Variants in LRRC8A observed in about 807,000 individuals in gnomAD.
LRRC8A encodes volume-regulated anion channel subunit LRRC8A.
Under a neutral mutation model 52.5 loss-of-function variants are expected in LRRC8A, and 24 were observed. That is an observed-to-expected ratio of 0.46 (90% CI 0.33 to 0.64). LRRC8A has a LOEUF of 0.64. Ranked by LOEUF, LRRC8A falls within the 30% of genes least tolerant of loss-of-function variation. The pLI is 0.02. For synonymous variants in LRRC8A, 492 were observed against 494.2 expected, an observed-to-expected ratio of 1.00 and a Z score of 0.06; for missense variants, 677 against 1,094.7, an observed-to-expected ratio of 0.62 and a Z score of 5.38.
chr9:128,914,079 G>T (rs1840688340), intron 3 of LRRC8A, among the ~76,000 whole-genome samples: 1 of 152,034 alleles, frequency 6.6e-6, no homozygotes, highest in African/African-American at 2.4e-5. Flanking sequence ...GTGGTATGCG[G>T]CTGTAATCCC....
At position 128,892,978 on chromosome 9, in the gene LRRC8A, C is replaced by T. The variant is rs1230456257; in HGVS notation, c.-9+6857C>T. On this transcript the variant is annotated intron_variant, in intron 2 of 3. Transcript: ENST00000372600. The surrounding 1 kb of genome is among the most constrained non-coding windows in gnomAD (Gnocchi z 5.2). ...GCCTGCCGCCCAGGTGTGGGAGCCA[C>T]GCCAAATCCCTGTGGGCCCACATGG... Among the ~76,000 whole-genome samples the T allele has an allele frequency of 3.9e-5, 6 of 152,184 alleles. No individual in the cohort carries two copies. Among genetic ancestry groups the T allele is most frequent in the East Asian group, 1.9e-4 (1 of 5,196 alleles).
In LRRC8A at chr9:128,913,479, C is replaced by A. The variant is rs148888962; in HGVS notation, c.2158-2617C>A. Among the ~76,000 whole-genome samples, 1,387 of 152,292 alleles carry A rather than the reference C, an allele frequency of 9.1e-3. 10 individuals carry two copies. The highest frequency in any genetic ancestry group is 0.02 in the Middle Eastern group (6 of 294). ...CACGGGCCGGCGACAATCCGACAAT[C>A]CAGCAGAGAAGGATCGGTCCAGAGG... is the stretch of plus-strand genomic sequence containing the variant. On this transcript the variant is annotated intron_variant, in intron 3 of 3. Coordinates refer to ENST00000372600, the MANE Select transcript of LRRC8A (RefSeq NM_019594.4).
In LRRC8A at chr9:128,911,131, AATG is replaced by A. The variant is rs1840507490; in HGVS notation, c.2157+1811_2157+1813del. Reference sequence around the variant, plus strand: ...AGGCACGGAGGGAGGTGGCCCCTGGAATGCCCTGTCTGTCCTCCTGGGCCCCAG... The same window carrying A: ...AGGCACGGAGGGAGGTGGCCCCTGGACCCTGTCTGTCCTCCTGGGCCCCAG... On this transcript the variant is annotated intron_variant, in intron 3 of 3. Coordinates refer to ENST00000372600, the MANE Select transcript of LRRC8A (RefSeq NM_019594.4). The surrounding 1 kb of genome is among the most constrained non-coding windows in gnomAD (Gnocchi z 4.9). Among the ~76,000 whole-genome samples the A allele has an allele frequency of 6.6e-6, 1 of 151,952 alleles. No individual in the cohort carries two copies. The highest frequency in any genetic ancestry group is 2.4e-5 in the African/African-American group (1 of 41,366).
At chr9:128,894,367 C>G (rs994796549) in intron 2 of LRRC8A, among the ~76,000 whole-genome samples, 1 of 151,892 alleles carries the variant, frequency 6.6e-6, no homozygotes, top group Non-Finnish European at 1.5e-5. Context: ...GCCTATAGTC[C>G]CAGCTACTTG....
chr9:128,894,740 C>T (rs1839757266), intron 2 of LRRC8A, among the ~76,000 whole-genome samples: 1 of 150,298 alleles, frequency 6.7e-6, no homozygotes, highest in African/African-American at 2.5e-5. Context: ...TTGCAGTGAG[C>T]CAAGACCACA....
At position 128,908,956 on chromosome 9, in the gene LRRC8A, C is replaced by T; in HGVS notation, c.1792C>T (p.Leu598=). The T allele has an allele frequency of 1.2e-6, 2 of 1,614,152 alleles. No homozygotes were observed. Among genetic ancestry groups the T allele is most frequent in the Non-Finnish European group, 1.7e-6 (2 of 1,180,026 alleles). The change falls in exon 3 of 4, where the codon CTG becomes TTG. Residue 598 remains leucine (L), a synonymous_variant. Transcript: ENST00000372600. ...GATGGCGAACCTGACTGAGCTGGAG[C>T]TGATCCGCTGTGACCTGGAGCGCAT... is the stretch of plus-strand genomic sequence containing the variant. ...KKMANLTELE[L]IRCDLERIPH...
At position 128,917,866 on chromosome 9, in the gene LRRC8A, A is replaced by G. The variant is rs1237690334; in HGVS notation, c.*1495A>G. 6.6e-6 allele frequency: 1 copy of G among 152,668 alleles called. No individual in the cohort carries two copies. Among genetic ancestry groups the G allele is most frequent in the Non-Finnish European group, 1.5e-5 (1 of 68,066 alleles). The allele number at this position is 152,668 out of a possible 1,614,324, so 9.5% of individuals were successfully genotyped here. On this transcript the variant is annotated 3_prime_UTR_variant, in exon 4 of 4. Transcript: ENST00000372600. ...GCACGTTTTAGAGTCTCTTGTCTTA[A>G]TGATTATGTCCATCCGTCTGTCCGT... is the stretch of plus-strand genomic sequence containing the variant.
Position 128,916,620 on chromosome 9 carries a change from A to G in LRRC8A, c.*249A>G. ...GGAGGAGAGCAAGTCTCAAGAGCGCAGTATTTGGATAATCAGGGTCTCCTC... is the reference window on the plus strand; with the variant it reads ...GGAGGAGAGCAAGTCTCAAGAGCGCGGTATTTGGATAATCAGGGTCTCCTC... On this transcript the variant is annotated 3_prime_UTR_variant, in exon 4 of 4. Coordinates refer to ENST00000372600, the MANE Select transcript of LRRC8A (RefSeq NM_019594.4). This position sits in a 1 kb window ranked among gnomAD's most constrained non-coding sequence, Gnocchi z 6.1. 1 of 524,392 alleles carries G rather than the reference A, an allele frequency of 1.9e-6. No individual in the cohort carries two copies. The highest frequency in any genetic ancestry group is 3.4e-6 in the Non-Finnish European group (1 of 295,226). The allele number at this position is 524,392 out of a possible 1,614,324, so 32.5% of individuals were successfully genotyped here. A position where few individuals can be genotyped will look rare whatever the true frequency, so the allele number is the denominator to read the frequency against.
chr9:128,891,659 A>G (rs1328763807), intron 2 of LRRC8A, among the ~76,000 whole-genome samples: 1 of 152,198 alleles, frequency 6.6e-6, no homozygotes, highest in Non-Finnish European at 1.5e-5. Flanking sequence ...GCTCCCTTCC[A>G]GAGCTTCCTT....
At position 128,908,010 on chromosome 9, in the gene LRRC8A, C is replaced by T. The variant is rs534343827; in HGVS notation, c.846C>T (p.Thr282=). 5.5e-5 allele frequency: 88 copies of T among 1,613,964 alleles called. No homozygotes were observed. Among genetic ancestry groups the T allele is most frequent in the East Asian group, 4.5e-4 (20 of 44,884 alleles). The change falls in exon 3 of 4, where the codon ACC becomes ACT. Residue 282 remains threonine, a synonymous_variant. Transcript: ENST00000372600. ...VIKFILIICY[T]VYYVHNIKFD... is the part of the protein sequence containing the mutation. ...AGTTCATCCTCATCATCTGCTACAC[C>T]GTCTACTACGTGCACAACATCAAGT...
At chr9:128,884,731 C>T (rs936367722) in intron 1 of LRRC8A, among the ~76,000 whole-genome samples, 3 of 152,120 alleles carry the variant, frequency 2.0e-5, no homozygotes, top group Admixed American at 1.3e-4. Flanking sequence ...TTGGACCACC[C>T]AGCCTCAGTG....
intron 1 of LRRC8A, chr9:128,882,490 C>G (rs1196485722): frequency 5.2e-6 from 2 of 387,158 alleles, no homozygotes; most frequent in East Asian, 3.6e-5. Context: ...CCAGGCACCC[C>G]TGTGCCTCCT....
At chr9:128,893,542 ACTC>A (rs562595814) in intron 2 of LRRC8A, among the ~76,000 whole-genome samples, 154 of 151,726 alleles carry the variant, frequency 1.0e-3, no homozygotes, top group African/African-American at 3.3e-3. Context: ...TGGGGTCTGA[ACTC>A]CTCCCTGCTC....
intron 2 of LRRC8A, among the ~76,000 whole-genome samples, chr9:128,904,268 C>T (rs914208281): frequency 3.9e-5 from 6 of 152,168 alleles, no homozygotes; most frequent in Non-Finnish European, 8.8e-5. Context: ...CCTATAATCC[C>T]AGCACTGTGG....
chr9:128,882,727 G>A (rs1284852426), intron 1 of LRRC8A: 3 of 398,768 alleles, frequency 7.5e-6, no homozygotes, highest in South Asian at 1.3e-4. Context: ...TCGTTCCGAT[G>A]GGGGCAGTGC....
At chr9:128,895,023 G>A (rs1009682623) in intron 2 of LRRC8A, among the ~76,000 whole-genome samples, 4 of 152,024 alleles carry the variant, frequency 2.6e-5, no homozygotes, top group Non-Finnish European at 5.9e-5. Context: ...TGCTCCCCCA[G>A]GCCCTGGTAT....
chr9:128,917,322 T>A lies in LRRC8A; in HGVS notation c.*951T>A, dbSNP rs1022488423. On this transcript the variant is annotated 3_prime_UTR_variant, in exon 4 of 4. Transcript: ENST00000372600. ...GGTTTTTTTGTTTGTTTTTTGGGTT[T>A]TTTTGGTGTCTTGTTTTCTTTCTCC... The A allele has an allele frequency of 6.6e-6, 1 of 152,422 alleles. No homozygotes were observed. Among genetic ancestry groups the A allele is most frequent in the African/African-American group, 2.4e-5 (1 of 41,358 alleles). The allele number at this position is 152,422 out of a possible 1,614,324, so 9.4% of individuals were successfully genotyped here.
chr9:128,916,593 G>A lies in LRRC8A; in HGVS notation c.*222G>A. ...CTCACGTCCCCCAGGGCAAGTGCTT[G>A]TGGAGGAGAGCAAGTCTCAAGAGCG... On this transcript the variant is annotated 3_prime_UTR_variant, in exon 4 of 4. Transcript: ENST00000372600. This position sits in a 1 kb window ranked among gnomAD's most constrained non-coding sequence, Gnocchi z 6.1. 1.7e-6 allele frequency: 1 copy of A among 591,522 alleles called. No homozygotes were observed. Among genetic ancestry groups the A allele is most frequent in the Non-Finnish European group, 2.9e-6 (1 of 341,092 alleles). 36.6% of individuals were successfully genotyped at this position (591,522 alleles called of 1,614,324 possible).
chr9:128,904,213 G>C (rs1381773398), intron 2 of LRRC8A, among the ~76,000 whole-genome samples: 1 of 152,080 alleles, frequency 6.6e-6, no homozygotes, highest in African/African-American at 2.4e-5. Flanking sequence ...AGTAAAAATT[G>C]AATGTAAAGT....
Sources: gnomAD v4.1 joint callset for allele counts (sites outside exome capture counted in the v4.1 genomes callset) on GRCh38, gnomAD v4.1.1 for gene constraint, Gnocchi (gnomAD v3.1) non-coding constraint, MANE v1.5 for transcripts, NCBI Gene and HGNC (gene_info 2026-07-23, HGNC 2026-07-21) for gene names.